Variants in APEH observed in about 807,000 individuals in gnomAD.
APEH encodes the protein acylaminoacyl-peptide hydrolase.
Under a neutral mutation model 102.7 loss-of-function variants are expected in APEH, and 75 were observed. The observed-to-expected ratio is 0.73, with a 90% CI of 0.61 to 0.89. The LOEUF (loss-of-function observed/expected upper bound fraction) is 0.89, where lower values mean the gene tolerates loss of function less well. Among genes scored for constraint, APEH ranks in the 40% least tolerant of loss-of-function variants. The pLI is 0.00. For synonymous variants in APEH, 344 were observed against 362.7 expected, an observed-to-expected ratio of 0.95 and a Z score of 0.59; for missense variants, 863 against 941.2, an observed-to-expected ratio of 0.92 and a Z score of 1.09.
At chr3:49,680,237 T>G in intron 13 of APEH, 1 of 387,156 alleles carries the variant, frequency 2.6e-6, no homozygotes, top group African/African-American at 2.1e-5. Context: ...GACCCCCAAC[T>G]TCCCGGTCCC....
chr3:49,675,738 T>TGC lies in APEH; in HGVS notation c.320_321dup (p.Lys108AlafsTer85). 1 of 1,614,054 alleles carries TGC rather than the reference T, an allele frequency of 6.2e-7. No individual in the cohort carries two copies. The highest frequency in any genetic ancestry group is 8.5e-7 in the Non-Finnish European group (1 of 1,180,006). On this transcript the variant is annotated frameshift_variant, in exon 4 of 22. Coordinates refer to ENST00000296456, the MANE Select transcript of APEH (RefSeq NM_001640.4). LOFTEE classifies it high-confidence loss of function. ...CCTTCAGGCACCATGAAAGCTGTGC[T>TGC]GCGCAAGGCTGGAGGCACGGGCCCT...
In APEH at chr3:49,677,607, T is replaced by C. The variant is rs1213074359; in HGVS notation, c.1034T>C (p.Val345Ala). Residue 345 changes from valine (V) to alanine (A), a missense_variant, in exon 11 of 22, where the codon GTA (valine) becomes GCA (alanine). Val to Ala is a moderately conservative substitution (Grantham distance 64, BLOSUM62 0). Coordinates refer to ENST00000296456, the MANE Select transcript of APEH (RefSeq NM_001640.4). ...DWYTKVTSVV[V>A]DVVPRQLGEN... Reference sequence around the variant, plus strand: ...TATACCAAGGTTACCTCAGTGGTGGTAGATGTTGTGCCTCGGCAGCTGGGA... The same window carrying C: ...TATACCAAGGTTACCTCAGTGGTGGCAGATGTTGTGCCTCGGCAGCTGGGA... 1 of 1,613,806 alleles carries C rather than the reference T, an allele frequency of 6.2e-7. No individual in the cohort carries two copies. The highest frequency in any genetic ancestry group is 8.5e-7 in the Non-Finnish European group (1 of 1,179,866).
chr3:49,683,415 G>A lies in APEH; in HGVS notation c.*73G>A. Reference sequence around the variant, plus strand: ...CTTGAGGAGCTCAACGGTCTGGCAGGGCAGCAGGAGGCTTTCTGGGCTCTG... The same window carrying A: ...CTTGAGGAGCTCAACGGTCTGGCAGAGCAGCAGGAGGCTTTCTGGGCTCTG... On this transcript the variant is annotated 3_prime_UTR_variant, in exon 22 of 22. Transcript: ENST00000296456. 7.6e-7 allele frequency: 1 copy of A among 1,314,892 alleles called. No homozygotes were observed. Among genetic ancestry groups the A allele is most frequent in the Non-Finnish European group, 1.1e-6 (1 of 910,086 alleles). 81.5% of individuals were successfully genotyped at this position (1,314,892 alleles called of 1,614,324 possible).
In APEH at chr3:49,681,818, C is replaced by T. The variant is rs780729018; in HGVS notation, c.1522+13C>T. 83 of 1,610,426 alleles carry T rather than the reference C, an allele frequency of 5.2e-5. No individual in the cohort carries two copies. The highest frequency in any genetic ancestry group is 2.0e-4 in the African/African-American group (15 of 74,884). On this transcript the variant is annotated intron_variant, in intron 16 of 21. Transcript: ENST00000296456. ...GTCATGCCCCACGGTAGGCATCTGG[C>T]GTTAAGAGCCCTTGCCCTCCCAGCC...
At position 49,676,417 on chromosome 3, in the gene APEH, A is replaced by G. The variant is rs1195660757; in HGVS notation, c.646A>G (p.Met216Val). The change falls in exon 7 of 22, where the codon ATG becomes GTG. Residue 216 changes from methionine (M) to valine (V), a missense_variant. Met to Val is a conservative substitution (Grantham distance 21). Transcript: ENST00000296456. ...GTTTTATGAAGACTGGGGAGAAAAC[A>G]TGGTTTCCAAAAGCATCCCTGTGCT... ...FVFYEDWGENMVSKSIPVLCV... is the reference protein window; with the variant it reads ...FVFYEDWGENVVSKSIPVLCV... 3 of 1,614,224 alleles carry G rather than the reference A, an allele frequency of 1.9e-6. No individual in the cohort carries two copies. The highest frequency in any genetic ancestry group is 1.6e-4 in the Middle Eastern group (1 of 6,062).
chr3:49,683,427 C>A lies in APEH; in HGVS notation c.*85C>A. 8.2e-7 allele frequency: 1 copy of A among 1,220,582 alleles called. No homozygotes were observed. Among genetic ancestry groups the A allele is most frequent in the Non-Finnish European group, 1.2e-6 (1 of 825,718 alleles). 75.6% of individuals were successfully genotyped at this position (1,220,582 alleles called of 1,614,324 possible). A position where few individuals can be genotyped will look rare whatever the true frequency, so the allele number is the denominator to read the frequency against. On this transcript the variant is annotated 3_prime_UTR_variant, in exon 22 of 22. Transcript: ENST00000296456. ...AACGGTCTGGCAGGGCAGCAGGAGG[C>A]TTTCTGGGCTCTGGACTCCACGGAT...
At chr3:49,680,421 C>G (rs981721617) in intron 13 of APEH, 120 bp from the exon 14 acceptor site, 1 of 867,970 alleles carries the variant, frequency 1.2e-6, no homozygotes, top group African/African-American at 1.7e-5. Flanking sequence ...GTGAAAGGCA[C>G]TTCTCGGGGA....
intron 17 of APEH, 45 bp from the exon 18 acceptor site, chr3:49,682,303 G>A: frequency 6.5e-7 from 1 of 1,542,542 alleles, no homozygotes. Context: ...CGAGGGGGCT[G>A]GGAATGTTGC....
chr3:49,674,367 A>T lies in APEH; in HGVS notation c.-35A>T, dbSNP rs906339943. 42 of 1,548,834 alleles carry T rather than the reference A, an allele frequency of 2.7e-5. No individual in the cohort carries two copies. The highest frequency in any genetic ancestry group is 3.5e-5 in the Non-Finnish European group (40 of 1,153,986). On this transcript the variant is annotated 5_prime_UTR_variant, in exon 1 of 22. Coordinates refer to ENST00000296456, the MANE Select transcript of APEH (RefSeq NM_001640.4). ...GGAAGCCTCACTTCCGGGCGCGAGCACGCCCCGCCTCGCCCCGGCGGCAGA... is the reference window on the plus strand; with the variant it reads ...GGAAGCCTCACTTCCGGGCGCGAGCTCGCCCCGCCTCGCCCCGGCGGCAGA...
chr3:49,675,724 C>T lies in APEH; in HGVS notation c.303C>T (p.Thr101=). 2 of 1,614,000 alleles carry T rather than the reference C, an allele frequency of 1.2e-6. No individual in the cohort carries two copies. The highest frequency in any genetic ancestry group is 1.7e-6 in the Non-Finnish European group (2 of 1,180,010). The stretch of plus-strand genomic sequence containing the variant: ...TGAGCAGAGAGTCTCCTTCAGGCAC[C>T]ATGAAAGCTGTGCTGCGCAAGGCTG... ...ELLSRESPSG[T]MKAVLRKAGG... is the part of the protein sequence containing the mutation. Residue 101 remains threonine, a synonymous_variant, in exon 4 of 22, where the codon ACC becomes ACT. Coordinates refer to ENST00000296456, the MANE Select transcript of APEH (RefSeq NM_001640.4).
At position 49,679,023 on chromosome 3, in the gene APEH, T is replaced by G; in HGVS notation, c.1158+74T>G. 8.2e-7 allele frequency: 1 copy of G among 1,217,548 alleles called. No homozygotes were observed. Among genetic ancestry groups the G allele is most frequent in the Non-Finnish European group, 1.2e-6 (1 of 843,320 alleles). 75.4% of individuals were successfully genotyped at this position (1,217,548 alleles called of 1,614,324 possible). On this transcript the variant is annotated intron_variant, in intron 12 of 21. Transcript: ENST00000296456. This position sits in a 1 kb window ranked among gnomAD's most constrained non-coding sequence, Gnocchi z 4.3. The stretch of plus-strand genomic sequence containing the variant: ...AGGAGCCCTGGGGGTTGCATGTGCA[T>G]GCCCCTGGGTGGAATGCCCAGCCAC...
chr3:49,683,187 G>A (rs1382837935), intron 21 of APEH, 41 bp downstream of exon 21: 1 of 1,609,946 alleles, frequency 6.2e-7, no homozygotes, highest in South Asian at 1.1e-5. Context: ...GTGGGCAGGT[G>A]AGCACAGGAG....
Position 49,682,949 on chromosome 3 carries a change from T to C in APEH, c.1986+4T>C, listed in dbSNP as rs749934333. 3.1e-6 allele frequency: 5 copies of C among 1,613,306 alleles called. No homozygotes were observed. In the South Asian group the frequency reaches 5.5e-5, roughly 18 times the overall value. ...GCCCATCAGATACATCCCTCAGGTA[T>C]GCAGCCCCCTCCTTGCCCTGTGTGC... On this transcript the variant is annotated splice_donor_region_variant and intron_variant, in intron 20 of 21. Transcript: ENST00000296456.
upstream of APEH, chr3:49,674,147 C>G (rs934274417): frequency 5.3e-4 from 292 of 547,840 alleles, 1 homozygote; most frequent in Non-Finnish European, 5.5e-4. Flanking sequence ...GCCCCGCCCC[C>G]CACTTGGCTA....
At chr3:49,677,288 T>G (rs541174748) in intron 10 of APEH, among the ~76,000 whole-genome samples, 1 of 152,330 alleles carries the variant, frequency 6.6e-6, no homozygotes, top group Non-Finnish European at 1.5e-5. Flanking sequence ...GGCTCTCAAC[T>G]GCATGTAGCC....
intron 13 of APEH, 146 bp from the exon 14 acceptor site, chr3:49,680,395 G>A: frequency 1.5e-6 from 1 of 671,424 alleles, no homozygotes; most frequent in Non-Finnish European, 2.7e-6. Flanking sequence ...CCGGGGCCAT[G>A]TGCAGTTGGG....
chr3:49,676,515 G>A lies in APEH; in HGVS notation c.744G>A (p.Gln248=). The A allele has an allele frequency of 5.0e-6, 8 of 1,614,244 alleles. No individual in the cohort carries two copies. Among genetic ancestry groups the A allele is most frequent in the Non-Finnish European group, 6.8e-6 (8 of 1,180,032 alleles). Residue 248 remains glutamine (Q), a splice_region_variant and synonymous_variant, in exon 7 of 22, where the codon CAG becomes CAA. Transcript: ENST00000296456. ...TCCCTGAGAATGTGTCCCCTGGACA[G>A]GTCAGCAGCAACAGCCTGTGTCCCC... is the stretch of plus-strand genomic sequence containing the variant. The part of the protein sequence containing the change: ...EGVPENVSPG[Q]AFWAPGDAGV...
chr3:49,680,587 C>G lies in APEH; in HGVS notation c.1257C>G (p.Leu419=), dbSNP rs201644578. ...AGTTGCTCACAATTGACCAGGACCTCATGGTGGCACAGTTTTCCACACCCA... is the reference window on the plus strand; with the variant it reads ...AGTTGCTCACAATTGACCAGGACCTGATGGTGGCACAGTTTTCCACACCCA... ...SWKLLTIDQD[L]MVAQFSTPSL... is the part of the protein sequence containing the mutation. The change falls in exon 14 of 22, where the codon CTC becomes CTG. Residue 419 remains leucine, a synonymous_variant. Coordinates refer to ENST00000296456, the MANE Select transcript of APEH (RefSeq NM_001640.4). The G allele has an allele frequency of 2.5e-6, 4 of 1,614,100 alleles. No individual in the cohort carries two copies. In the African/African-American group the frequency reaches 5.3e-5, roughly 22 times the overall value.
intron 3 of APEH, 112 bp downstream of exon 3, chr3:49,675,421 C>A: frequency 6.9e-7 from 1 of 1,444,160 alleles, no homozygotes; most frequent in Non-Finnish European, 9.4e-7. Context: ...GGTTCTTGCC[C>A]CCTTGGGAGC....
Sources: gnomAD v4.1 joint callset for allele counts (sites outside exome capture counted in the v4.1 genomes callset) on GRCh38, gnomAD v4.1.1 for gene constraint, Gnocchi (gnomAD v3.1) non-coding constraint, MANE v1.5 for transcripts, NCBI Gene and HGNC (gene_info 2026-07-23, HGNC 2026-07-21) for gene names.